The following ZNF773 variants were observed in gnomAD, a reference collection of about 807,000 sequenced individuals.
The protein encoded by ZNF773 is zinc finger protein 773, also known as zinc finger protein 419B.
Under a neutral mutation model 12.8 loss-of-function variants are expected in ZNF773, and 11 were observed. That is an observed-to-expected ratio of 0.86 (90% CI 0.54 to 1.42). ZNF773 has a LOEUF of 1.42. Ranked by LOEUF, ZNF773 falls within the 40% of genes most tolerant of loss-of-function variation. The pLI, the probability that ZNF773 is intolerant of heterozygous loss-of-function variation, is 0.00. For synonymous variants in ZNF773, 175 were observed against 178.4 expected (o/e 0.98, Z 0.15); for missense variants, 518 against 527.2 (o/e 0.98, Z 0.17).
chr19:57,515,450 G>C (rs1231145424), downstream of ZNF773: 1 of 152,242 alleles, frequency 6.6e-6, no homozygotes, highest in Non-Finnish European at 1.5e-5. Context: ...ACCCATGGAA[G>C]GATGTAACCC....
rs752954931 is a variant in ZNF773 at position 57,505,407 on chromosome 19, G to T, written c.262+7G>T. The T allele has an allele frequency of 1.9e-6, 3 of 1,614,116 alleles. No individual in the cohort carries two copies. The South Asian group carries it at 3.3e-5, about 18-fold the overall frequency. ...ACTTCAGCCATACTGAGAGGTACTT[G>T]GTGGGTGGAGCTCAGGGAGGTATGA... On this transcript the variant is annotated splice_region_variant and intron_variant, in intron 3 of 3. Coordinates refer to ENST00000282292, the MANE Select transcript of ZNF773 (RefSeq NM_198542.3).
intron 3 of ZNF773, 64 bp from the exon 4 acceptor site, chr19:57,506,294 G>C: frequency 6.4e-7 from 1 of 1,553,122 alleles, no homozygotes; most frequent in Non-Finnish European, 8.7e-7. Context: ...TCAGACACGT[G>C]TGAGAGTGCT....
intron 3 of ZNF773, among the ~76,000 whole-genome samples, chr19:57,505,876 A>AT (rs977272894): frequency 6.6e-6 from 1 of 151,774 alleles, no homozygotes; most frequent in Non-Finnish European, 1.5e-5. Context: ...TGCCTGGCTA[A>AT]TTTTTTGTAT....
At chr19:57,503,412 G>C (rs546468743) in intron 1 of ZNF773, among the ~76,000 whole-genome samples, 1 of 152,144 alleles carries the variant, frequency 6.6e-6, no homozygotes, top group African/African-American at 2.4e-5. Context: ...AAGGGATGTA[G>C]GGGTAAGGAG....
At position 57,506,714 on chromosome 19, in the gene ZNF773, G is replaced by T; in HGVS notation, c.619G>T (p.Val207Phe). The change falls in exon 4 of 4, where the codon GTT becomes TTT. Residue 207 changes from valine (V) to phenylalanine (F), a missense_variant. Transcript: ENST00000282292. ...GKAFGQKYLL[V>F]QHQRLHTGEK... ...AGCCTTTGGTCAGAAATATTTACTTGTTCAGCACCAGAGACTGCACACTGG... is the reference window on the plus strand; with the variant it reads ...AGCCTTTGGTCAGAAATATTTACTTTTTCAGCACCAGAGACTGCACACTGG... 6.2e-7 allele frequency: 1 copy of T among 1,614,222 alleles called. No homozygotes were observed. The highest frequency in any genetic ancestry group is 8.5e-7 in the Non-Finnish European group (1 of 1,180,042).
At position 57,507,227 on chromosome 19, in the gene ZNF773, C is replaced by G. The variant is rs560334478; in HGVS notation, c.1132C>G (p.Arg378Gly). 7 of 1,611,170 alleles carry G rather than the reference C, an allele frequency of 4.3e-6. No individual in the cohort carries two copies. The Admixed American group carries it at 8.3e-5, about 19-fold the overall frequency. The change falls in exon 4 of 4, where the codon CGA becomes GGA. Residue 378 changes from arginine to glycine, a missense_variant. By Grantham distance (125) the Arg-to-Gly change is moderately radical. Transcript: ENST00000282292. ...CCAAAGCTCAAGCCTCATGCAACAT[C>G]GAAAAGTTCACACTGGAGAAAAACC... Reference protein sequence around the residue: ...FSQSSSLMQHRKVHTGEKPFK... With the variant: ...FSQSSSLMQHGKVHTGEKPFK...
At chr19:57,506,210 A>T in intron 3 of ZNF773, 148 bp from the exon 4 acceptor site, 1 of 1,312,922 alleles carries the variant, frequency 7.6e-7, no homozygotes, top group Non-Finnish European at 1.0e-6. Context: ...TCAGCACTGC[A>T]CAGCAGGCCC....
At chr19:57,513,092 AG>A, downstream of ZNF773, 1 of 1,504,408 alleles carries the variant, frequency 6.6e-7, no homozygotes. Context: ...GAGCAGAGAA[AG>A]TGAAACTGAC....
rs1311054862 is a variant in ZNF773 at position 57,507,347 on chromosome 19, A to G, written c.1252A>G (p.Arg418Gly). 1.2e-6 allele frequency: 2 copies of G among 1,613,682 alleles called. No individual in the cohort carries two copies. Among genetic ancestry groups the G allele is most frequent in the South Asian group, 1.1e-5 (1 of 90,892 alleles). Residue 418 changes from arginine to glycine, a missense_variant, in exon 4 of 4, where the codon AGG becomes GGG. By Grantham distance (125) the Arg-to-Gly change is moderately radical. Transcript: ENST00000282292. ...VHTGAKPYEC[R>G]ECGKFFRHSS... ...CACTGGAGCAAAGCCTTATGAGTGC[A>G]GGGAATGTGGGAAATTTTTTCGCCA...
Position 57,507,626 on chromosome 19 carries a change from A to C in ZNF773, c.*202A>C, listed in dbSNP as rs913330109. 2.9e-6 allele frequency: 4 copies of C among 1,381,332 alleles called. No homozygotes were observed. In the African/African-American group the frequency reaches 4.4e-5, roughly 15 times the overall value. 85.6% of individuals were successfully genotyped at this position (1,381,332 alleles called of 1,614,324 possible). On this transcript the variant is annotated 3_prime_UTR_variant, in exon 4 of 4. Coordinates refer to ENST00000282292, the MANE Select transcript of ZNF773 (RefSeq NM_198542.3). ...AGGCCTAACCGTATTCAACACCAGAAAGTTTAGACTGGAGAAAGGCCTTAG... is the reference window on the plus strand; with the variant it reads ...AGGCCTAACCGTATTCAACACCAGACAGTTTAGACTGGAGAAAGGCCTTAG...
At chr19:57,505,184 G>A (rs2089714909) in intron 2 of ZNF773, 118 bp from the exon 3 acceptor site, 2 of 1,398,020 alleles carry the variant, frequency 1.4e-6, no homozygotes, top group Non-Finnish European at 2.0e-6. Context: ...TGACTGGGTT[G>A]TTCCTGCAAG....
At chr19:57,513,079 C>T, downstream of ZNF773, 1 of 1,522,258 alleles carries the variant, frequency 6.6e-7, no homozygotes, top group South Asian at 1.3e-5. Context: ...AGAAGGTCTG[C>T]TGGAGCAGAG....
chr19:57,508,846 G>C (rs944700270), downstream of ZNF773, among the ~76,000 whole-genome samples: 3 of 151,962 alleles, frequency 2.0e-5, no homozygotes, highest in Non-Finnish European at 4.4e-5. Context: ...TCAAATGTCA[G>C]TTGGTATTTT....
At chr19:57,513,049 C>CGG, downstream of ZNF773, 3 of 1,561,324 alleles carry the variant, frequency 1.9e-6, no homozygotes, top group Non-Finnish European at 2.6e-6. Context: ...CAAGTGGCGC[C>CGG]CGAACAGGGA....
At chr19:57,506,255 G>T in intron 3 of ZNF773, 103 bp from the exon 4 acceptor site, 1 of 1,514,764 alleles carries the variant, frequency 6.6e-7, no homozygotes. Flanking sequence ...CATTCTGCAA[G>T]CAGTCCCACA....
chr19:57,506,729 C>G lies in ZNF773; in HGVS notation c.634C>G (p.Leu212Val). The G allele has an allele frequency of 3.1e-6, 5 of 1,614,242 alleles. No individual in the cohort carries two copies. Among genetic ancestry groups the G allele is most frequent in the South Asian group, 1.1e-5 (1 of 91,084 alleles). ...ATATTTACTTGTTCAGCACCAGAGA[C>G]TGCACACTGGGGAAAAGCCTTATGA... ...QKYLLVQHQR[L>V]HTGEKPYECS... The change falls in exon 4 of 4, where the codon CTG becomes GTG. Residue 212 changes from leucine to valine, a missense_variant. Coordinates refer to ENST00000282292, the MANE Select transcript of ZNF773 (RefSeq NM_198542.3).
intron 3 of ZNF773, 75 bp downstream of exon 3, chr19:57,505,475 G>A: frequency 6.5e-7 from 1 of 1,527,160 alleles, no homozygotes; most frequent in Non-Finnish European, 9.1e-7. Context: ...CTTTCCAGTG[G>A]GCCCAGATAT....
At chr19:57,513,015 C>T, downstream of ZNF773, 1 of 1,556,712 alleles carries the variant, frequency 6.4e-7, no homozygotes, top group Non-Finnish European at 8.7e-7. Flanking sequence ...TGTCCTTCTT[C>T]ATTCAGTCCC....
At chr19:57,501,466 T>C (rs1037582002) in intron 1 of ZNF773, among the ~76,000 whole-genome samples, 2 of 152,144 alleles carry the variant, frequency 1.3e-5, no homozygotes, top group Non-Finnish European at 2.9e-5. Flanking sequence ...TAAGAGTTGA[T>C]ATTTAGTCCT....
Sources: allele counts gnomAD v4.1 joint callset (sites outside exome capture counted in the v4.1 genomes callset), GRCh38; gene constraint gnomAD v4.1.1; transcripts MANE v1.5; gene names NCBI Gene and HGNC (gene_info 2026-07-23, HGNC 2026-07-21).